Variants in RHBDD1 observed in about 807,000 individuals in gnomAD.
RHBDD1 encodes the protein rhomboid-related protein 4.
Under a neutral mutation model 36.3 loss-of-function variants are expected in RHBDD1, and 38 were observed. That is an observed-to-expected ratio of 1.05 (90% confidence interval 0.81 to 1.37). RHBDD1 has a LOEUF of 1.37. RHBDD1 is among the 40% of genes most tolerant of loss of function. RHBDD1 has a pLI of 0.00. For missense variants in RHBDD1, 393 were observed against 377.6 expected, an observed-to-expected ratio of 1.04 and a Z score of -0.34; for synonymous variants, 151 against 136.5, an observed-to-expected ratio of 1.11 and a Z score of -0.74.
At chr2:226,844,283 G>A (rs1271622076) in intron 3 of RHBDD1, among the ~76,000 whole-genome samples, 14 of 93,404 alleles carry the variant, frequency 1.5e-4, no homozygotes, top group Admixed American at 3.7e-4. Context: ...GCTGCCCCCC[G>A]CCCCCCGGCC....
intron 8 of RHBDD1, among the ~76,000 whole-genome samples, chr2:226,976,572 T>G (rs2149384560): frequency 6.6e-6 from 1 of 152,252 alleles, no homozygotes; most frequent in East Asian, 1.9e-4. Flanking sequence ...ATGCACACAG[T>G]TCCGTGTGGT....
At chr2:226,960,652 C>G (rs1219403897) in intron 8 of RHBDD1, among the ~76,000 whole-genome samples, 2 of 152,136 alleles carry the variant, frequency 1.3e-5, no homozygotes, top group African/African-American at 2.4e-5. Flanking sequence ...TATTAGATGT[C>G]TAATTCTGTA....
intron 8 of RHBDD1, among the ~76,000 whole-genome samples, chr2:226,931,261 G>A (rs1396576332): frequency 1.3e-5 from 2 of 151,842 alleles, no homozygotes; most frequent in African/African-American, 2.4e-5. Context: ...CAACCAATGA[G>A]TAAAGAAAAT....
chr2:226,821,136 C>T, the RHBDD1 span, among the ~76,000 whole-genome samples: 3 of 152,142 alleles, frequency 2.0e-5, no homozygotes, highest in African/African-American at 7.2e-5. Flanking sequence ...GTTCCAGTCA[C>T]AGAGCTATAT....
At chr2:226,909,803 A>G in intron 7 of RHBDD1, among the ~76,000 whole-genome samples, 1 of 152,178 alleles carries the variant, frequency 6.6e-6, no homozygotes, top group Non-Finnish European at 1.5e-5. Flanking sequence ...TCTATTGCTT[A>G]AGCCAGCCAG....
the RHBDD1 span, among the ~76,000 whole-genome samples, chr2:226,816,939 CT>C: frequency 7.2e-6 from 1 of 139,752 alleles, no homozygotes; most frequent in African/African-American, 2.5e-5. Flanking sequence ...TGAGGGACAA[CT>C]TGCATTTTAG....
intron 6 of RHBDD1, chr2:226,908,582 T>TACAC (rs10559846): frequency 0.015 from 5,038 of 346,532 alleles, 54 homozygotes; most frequent in African/African-American, 0.041. Context: ...CATTTTCCAC[T>TACAC]ACACACACAC....
intron 8 of RHBDD1, among the ~76,000 whole-genome samples, chr2:226,967,709 G>A (rs1277303634): frequency 6.6e-6 from 1 of 152,006 alleles, no homozygotes; most frequent in Non-Finnish European, 1.5e-5. Context: ...GTGGAAAGAA[G>A]GTAATTCTTA....
chr2:226,996,526 C>T lies in RHBDD1; in HGVS notation c.*1004C>T, dbSNP rs1959347506. 6.6e-6 allele frequency: 1 copy of T among 152,166 alleles called. No homozygotes were observed. The highest frequency in any genetic ancestry group is 2.4e-5 in the African/African-American group (1 of 41,432). The allele number at this position is 152,166 out of a possible 1,614,324, so 9.4% of individuals were successfully genotyped here. A position where few individuals can be genotyped will look rare whatever the true frequency, so the allele number is the denominator to read the frequency against. On this transcript the variant is annotated 3_prime_UTR_variant, in exon 9 of 9. Transcript: ENST00000392062. ...TGTTCCATGAATAAAAGGACAAAGT[C>T]AGAAGATCACTGATGTCTTACTGTC...
chr2:226,967,749 C>G (rs1398634148), intron 8 of RHBDD1, among the ~76,000 whole-genome samples: 1 of 151,894 alleles, frequency 6.6e-6, no homozygotes, highest in Non-Finnish European at 1.5e-5. Flanking sequence ...TGTCCACACC[C>G]CCAAGAGGCA....
chr2:226,814,665 C>A, the RHBDD1 span, among the ~76,000 whole-genome samples: 1 of 152,010 alleles, frequency 6.6e-6, no homozygotes, highest in Non-Finnish European at 1.5e-5. Flanking sequence ...GAGGAGGAAA[C>A]AATGGGCTGT....
At chr2:226,982,138 G>A (rs1165911573) in intron 8 of RHBDD1, among the ~76,000 whole-genome samples, 1 of 152,246 alleles carries the variant, frequency 6.6e-6, no homozygotes, top group African/African-American at 2.4e-5. Flanking sequence ...CTCACATGTG[G>A]TAGGGTTGGG....
intron 8 of RHBDD1, among the ~76,000 whole-genome samples, chr2:226,965,355 T>G (rs1952540356): frequency 6.6e-6 from 1 of 152,160 alleles, no homozygotes. Flanking sequence ...CTTCCCAAAT[T>G]GCAAGAGAAT....
chr2:226,809,653 T>C, the RHBDD1 span, among the ~76,000 whole-genome samples: 1 of 152,190 alleles, frequency 6.6e-6, no homozygotes, highest in East Asian at 1.9e-4. Context: ...GAGACACTCA[T>C]ATTAATAGGA....
At chr2:226,839,022 C>G (rs1941320869) in intron 2 of RHBDD1, among the ~76,000 whole-genome samples, 2 of 152,160 alleles carry the variant, frequency 1.3e-5, no homozygotes, top group East Asian at 3.8e-4. Flanking sequence ...TGAGAAAATG[C>G]TGTTAGCCCT....
chr2:226,816,537 A>C, the RHBDD1 span, among the ~76,000 whole-genome samples: 1 of 152,164 alleles, frequency 6.6e-6, no homozygotes, highest in South Asian at 2.1e-4. Flanking sequence ...AGAAATGAAT[A>C]ATCTCTTAAA....
At chr2:226,939,595 A>G (rs891662438) in intron 8 of RHBDD1, among the ~76,000 whole-genome samples, 21 of 152,188 alleles carry the variant, frequency 1.4e-4, no homozygotes, top group African/African-American at 4.6e-4. Context: ...ACCAGAAACC[A>G]TTGCTCAAAT....
chr2:226,893,094 T>G (rs1946821155), intron 5 of RHBDD1, among the ~76,000 whole-genome samples: 1 of 152,210 alleles, frequency 6.6e-6, no homozygotes, highest in African/African-American at 2.4e-5. Flanking sequence ...CCATCTTTTC[T>G]TCTTCATGTG....
intron 8 of RHBDD1, among the ~76,000 whole-genome samples, chr2:226,922,566 G>A (rs376028281): frequency 6.6e-6 from 1 of 151,918 alleles, no homozygotes; most frequent in African/African-American, 2.4e-5. Context: ...ACAGATCATT[G>A]GACCTTATAT....
Sources: allele counts gnomAD v4.1 joint callset (sites outside exome capture counted in the v4.1 genomes callset), GRCh38; gene constraint gnomAD v4.1.1; transcripts MANE v1.5; gene names NCBI Gene and HGNC (gene_info 2026-07-23, HGNC 2026-07-21).